SPG21: variants seen among roughly 807,000 people sequenced by gnomAD.
SPG21 encodes maspardin.
SPG21 carries 26 observed loss-of-function variants against 38.9 expected under a neutral mutation model. The ratio of observed to expected loss-of-function variants is 0.67; its 90% CI spans 0.49 to 0.93. The LOEUF (loss-of-function observed/expected upper bound fraction) is 0.93. Among genes scored for constraint, SPG21 ranks in the 40% least tolerant of loss-of-function variants. The pLI is 0.00. For synonymous variants in SPG21, 136 were observed against 128.9 expected, an observed-to-expected ratio of 1.05 and a Z score of -0.37; for missense variants, 333 against 376.5, an observed-to-expected ratio of 0.88 and a Z score of 0.96.
chr15:64,963,806 G>C (rs995960078), intron 8 of SPG21, 70 bp from the exon 9 acceptor site: 1 of 1,391,624 alleles, frequency 7.2e-7, no homozygotes, highest in African/African-American at 1.4e-5. Flanking sequence ...GCCCAGGCTG[G>C]AGTGCAGTGG....
chr15:64,986,192 C>A (rs1008236580), intron 1 of SPG21, among the ~76,000 whole-genome samples: 1 of 149,704 alleles, frequency 6.7e-6, no homozygotes, highest in Non-Finnish European at 1.5e-5. Flanking sequence ...GTAGTGAAAC[C>A]CTGTCTCTAC....
chr15:64,980,554 C>T (rs11858985), intron 3 of SPG21, among the ~76,000 whole-genome samples: 6 of 151,596 alleles, frequency 4.0e-5, no homozygotes, highest in African/African-American at 1.2e-4. Flanking sequence ...CTGGCCAACA[C>T]GGCGAAACCC....
chr15:64,984,289 C>T (rs1412273670), intron 1 of SPG21, among the ~76,000 whole-genome samples: 1 of 152,158 alleles, frequency 6.6e-6, no homozygotes, highest in Non-Finnish European at 1.5e-5. Context: ...TTAAGAATCC[C>T]TTTAATAAAG....
In SPG21 at chr15:64,963,618, C is replaced by T. The variant is rs778345253; in HGVS notation, c.*2G>A. The T allele has an allele frequency of 6.2e-7, 1 of 1,612,608 alleles. No individual in the cohort carries two copies. The highest frequency in any genetic ancestry group is 2.2e-5 in the East Asian group (1 of 44,884). Reference sequence around the variant, plus strand: ...AACTCATCATTGACAGCGAGAGACACACTACTGCTCCTCCTGGCTGATGCC... The same window carrying T: ...AACTCATCATTGACAGCGAGAGACATACTACTGCTCCTCCTGGCTGATGCC... On this transcript the variant is annotated 3_prime_UTR_variant, in exon 9 of 9. Coordinates refer to ENST00000204566, the MANE Select transcript of SPG21 (RefSeq NM_016630.7).
intron 6 of SPG21, among the ~76,000 whole-genome samples, chr15:64,969,687 G>GT (rs74643667): frequency 0.64 from 80,840 of 126,274 alleles, 22,577 homozygotes; most frequent in East Asian, 0.84. Context: ...ATATGTTTTT[G>GT]TTTTTTTTTT....
Position 64,963,677 on chromosome 15 carries a change from A to G in SPG21, c.870T>C (p.Ser290=). The G allele has an allele frequency of 6.2e-7, 1 of 1,614,194 alleles. No individual in the cohort carries two copies. The highest frequency in any genetic ancestry group is 8.5e-7 in the Non-Finnish European group (1 of 1,180,026). Residue 290 remains serine, a synonymous_variant, in exon 9 of 9, where the codon AGT becomes AGC. Transcript: ENST00000204566. The part of the protein sequence containing the change: ...KYAAIDPSMV[S]AEELEVQKGS... ...CTTTCTGCACCTCAAGCTCCTCGGCACTGACCATTGATGGGTCAATGGCCG... is the reference window on the plus strand; with the variant it reads ...CTTTCTGCACCTCAAGCTCCTCGGCGCTGACCATTGATGGGTCAATGGCCG...
chr15:64,986,595 G>C (rs887200271), intron 1 of SPG21, among the ~76,000 whole-genome samples: 7 of 151,658 alleles, frequency 4.6e-5, no homozygotes, highest in African/African-American at 1.7e-4. Context: ...AGGCGAGGCA[G>C]GAGAATCGCT....
chr15:64,981,293 T>A, intron 2 of SPG21: 1 of 330,252 alleles, frequency 3.0e-6, no homozygotes, highest in Middle Eastern at 9.4e-4. Flanking sequence ...CTCCTCCTTT[T>A]TTTTTTTTTT....
chr15:64,964,038 G>A (rs1245617121), intron 8 of SPG21, among the ~76,000 whole-genome samples: 1 of 152,164 alleles, frequency 6.6e-6, no homozygotes. Flanking sequence ...TTACAGGTGT[G>A]AGCCACTGCA....
chr15:64,974,478 A>T, intron 5 of SPG21, 124 bp downstream of exon 5: 1 of 1,210,986 alleles, frequency 8.3e-7, no homozygotes, highest in Non-Finnish European at 1.2e-6. Context: ...CTGTCTCAAA[A>T]AAAAAGCCAA....
chr15:64,977,370 G>A (rs544663889), intron 3 of SPG21, among the ~76,000 whole-genome samples: 4 of 150,714 alleles, frequency 2.7e-5, no homozygotes, highest in Non-Finnish European at 5.9e-5. Flanking sequence ...CAGCTTGTTT[G>A]TTTTTGTGAT....
At chr15:64,978,681 G>A (rs1462186054) in intron 3 of SPG21, among the ~76,000 whole-genome samples, 1 of 152,208 alleles carries the variant, frequency 6.6e-6, no homozygotes, top group African/African-American at 2.4e-5. Flanking sequence ...CTAGCAGAAA[G>A]TTTGAGAATT....
intron 5 of SPG21, among the ~76,000 whole-genome samples, chr15:64,970,599 G>C (rs1273517335): frequency 1.3e-5 from 2 of 152,048 alleles, no homozygotes; most frequent in Admixed American, 1.3e-4. Flanking sequence ...TTGATATTAT[G>C]TTTTTATCGA....
At chr15:64,970,385 C>G (rs1281206956) in intron 5 of SPG21, among the ~76,000 whole-genome samples, 163 bp from the exon 6 acceptor site, 1 of 152,182 alleles carries the variant, frequency 6.6e-6, no homozygotes, top group African/African-American at 2.4e-5. Flanking sequence ...CTTTCCCAAG[C>G]TTCCAAAGAG....
At chr15:64,973,112 T>C (rs1286441284) in intron 5 of SPG21, among the ~76,000 whole-genome samples, 1 of 152,014 alleles carries the variant, frequency 6.6e-6, no homozygotes, top group Non-Finnish European at 1.5e-5. Context: ...TGCAGGTGCA[T>C]ACCATGATAC....
intron 4 of SPG21, among the ~76,000 whole-genome samples, chr15:64,976,139 A>C (rs2085767235): frequency 6.6e-6 from 1 of 152,250 alleles, no homozygotes; most frequent in Admixed American, 6.5e-5. Flanking sequence ...AAAAAATAAA[A>C]GAGGGCTCGG....
At position 64,983,785 on chromosome 15, in the gene SPG21, CT is replaced by C. The variant is rs764804415; in HGVS notation, c.-24-193del. ...CTACAATCACAGAATCAGAAGCACT[CT>C]TTTTTTTTTTTTTTTGAGACAGTCT... On this transcript the variant is annotated intron_variant, in intron 1 of 8. Coordinates refer to ENST00000204566, the MANE Select transcript of SPG21 (RefSeq NM_016630.7). Among the ~76,000 whole-genome samples, 393 of 140,012 alleles carry C rather than the reference CT, an allele frequency of 2.8e-3. 1 individual carries two copies. Among genetic ancestry groups the C allele is most frequent in the Middle Eastern group, 3.6e-3 (1 of 276 alleles). The allele number at this position is 140,012 out of a possible 152,430, so 91.9% of individuals were successfully genotyped here.
intron 4 of SPG21, among the ~76,000 whole-genome samples, chr15:64,975,072 G>A (rs867761597): frequency 3.1e-4 from 47 of 151,996 alleles, no homozygotes; most frequent in African/African-American, 1.0e-3. Flanking sequence ...GGCAGATCAC[G>A]AGGTCAGGAG....
chr15:64,983,621 G>T, intron 1 of SPG21, 28 bp from the exon 2 acceptor site: 1 of 1,334,900 alleles, frequency 7.5e-7, no homozygotes, highest in Non-Finnish European at 1.1e-6. Context: ...GATATTTCAC[G>T]TCAAGAATTC....
Sources: gnomAD v4.1 joint callset for allele counts (sites outside exome capture counted in the v4.1 genomes callset) on GRCh38, gnomAD v4.1.1 for gene constraint, MANE v1.5 for transcripts, NCBI Gene and HGNC (gene_info 2026-07-23, HGNC 2026-07-21) for gene names.